The following ANKRD9 variants were observed in gnomAD, a reference collection of about 807,000 sequenced individuals.
ANKRD9 encodes the protein ankyrin repeat domain-containing protein 9.
In ANKRD9, 13 loss-of-function variants were observed where a neutral mutation model predicts 19.2. The ratio of observed to expected loss-of-function variants is 0.68; its 90% CI spans 0.44 to 1.08. The LOEUF (loss-of-function observed/expected upper bound fraction) is 1.08, where lower values mean the gene tolerates loss of function less well. Ranked by LOEUF, ANKRD9 falls within the 50% of genes least tolerant of loss-of-function variation. The probability of loss-of-function intolerance (pLI) is 0.00; values close to 1 mark genes in which losing one functional copy is unlikely to be tolerated. For synonymous variants in ANKRD9, 278 were observed against 256.8 expected (o/e 1.08, Z -0.79); for missense variants, 518 against 499.9 (o/e 1.04, Z -0.34).
rs1297163852 is a variant in ANKRD9 at position 102,507,170 on chromosome 14, G to A, written c.720C>T (p.Pro240=). 4.3e-6 allele frequency: 6 copies of A among 1,400,320 alleles called. No homozygotes were observed. The highest frequency in any genetic ancestry group is 4.6e-6 in the Non-Finnish European group (5 of 1,084,782). The allele number at this position is 1,400,320 out of a possible 1,614,324, so 86.7% of individuals were successfully genotyped here. A position where few individuals can be genotyped will look rare whatever the true frequency, so the allele number is the denominator to read the frequency against. The change falls in exon 4 of 4, where the codon CCC becomes CCT. Residue 240 remains proline, a synonymous_variant. Coordinates refer to ENST00000286918, the MANE Select transcript of ANKRD9 (RefSeq NM_152326.4). This position sits in a 1 kb window ranked among gnomAD's most constrained non-coding sequence, Gnocchi z 9.2. ...GGCGGGCCGAGCCGGCGGCACCCACGGGGGTGTACAGCGCCAGGAGGTCCA... is the reference window on the plus strand; with the variant it reads ...GGCGGGCCGAGCCGGCGGCACCCACAGGGGTGTACAGCGCCAGGAGGTCCA... ...LLLDLLALYT[P]VGAAGSARQE...
chr14:102,504,482 A>C lies in ANKRD9; in HGVS notation c.*2454T>G, dbSNP rs898660742. The C allele has an allele frequency of 6.5e-6, 1 of 153,522 alleles. No homozygotes were observed. The highest frequency in any genetic ancestry group is 2.4e-5 in the African/African-American group (1 of 41,428). 9.5% of individuals were successfully genotyped at this position (153,522 alleles called of 1,614,324 possible). ...GGACGATAACGATGACAGGGGCAAC[A>C]CCATGGTCCTCGCTGCCCTTCCTGG... is the stretch of plus-strand genomic sequence containing the variant. On this transcript the variant is annotated 3_prime_UTR_variant, in exon 4 of 4. Coordinates refer to ENST00000286918, the MANE Select transcript of ANKRD9 (RefSeq NM_152326.4).
Position 102,502,897 on chromosome 14 carries a change from C to G in ANKRD9, c.*4039G>C, listed in dbSNP as rs1595155691. On this transcript the variant is annotated 3_prime_UTR_variant, in exon 4 of 4. Transcript: ENST00000286918. ...TCAATCCCCAGTGTTCTACAGTGAA[C>G]ATGAATTTTATAAGCAGAAAGAAAT... The G allele has an allele frequency of 6.6e-6, 1 of 152,248 alleles. No individual in the cohort carries two copies. Among genetic ancestry groups the G allele is most frequent in the Non-Finnish European group, 1.5e-5 (1 of 68,030 alleles). The allele number at this position is 152,248 out of a possible 1,614,324, so 9.4% of individuals were successfully genotyped here.
chr14:102,506,849 G>A lies in ANKRD9; in HGVS notation c.*87C>T, dbSNP rs1351588898. ...CGACAGATGAGGCAGAGATTGTGCCGTACAGAGATCAATATATATAAAGTG... is the reference window on the plus strand; with the variant it reads ...CGACAGATGAGGCAGAGATTGTGCCATACAGAGATCAATATATATAAAGTG... On this transcript the variant is annotated 3_prime_UTR_variant, in exon 4 of 4. Coordinates refer to ENST00000286918, the MANE Select transcript of ANKRD9 (RefSeq NM_152326.4). 5.3e-6 allele frequency: 7 copies of A among 1,331,480 alleles called. No individual in the cohort carries two copies. Among genetic ancestry groups the A allele is most frequent in the African/African-American group, 1.5e-5 (1 of 65,272 alleles). The allele number at this position is 1,331,480 out of a possible 1,614,324, so 82.5% of individuals were successfully genotyped here.
chr14:102,507,476 G>C lies in ANKRD9; in HGVS notation c.414C>G (p.Asp138Glu), dbSNP rs1313055584. ...ILRRILRTLRDFPAEERARVL... is the reference protein window; with the variant it reads ...ILRRILRTLREFPAEERARVL... ...CGCGCGCCCGCTCCTCGGCCGGGAA[G>C]TCGCGCAAGGTGCGCAGGATGCGGC... is the stretch of plus-strand genomic sequence containing the variant. The change falls in exon 4 of 4, where the codon GAC becomes GAG. Residue 138 changes from aspartate (D) to glutamate (E), a missense_variant. Coordinates refer to ENST00000286918, the MANE Select transcript of ANKRD9 (RefSeq NM_152326.4). The surrounding 1 kb of genome is among the most constrained non-coding windows in gnomAD (Gnocchi z 9.2). The C allele has an allele frequency of 1.4e-6, 2 of 1,399,558 alleles. No homozygotes were observed. Among genetic ancestry groups the C allele is most frequent in the Middle Eastern group, 2.6e-4 (1 of 3,898 alleles). 86.7% of individuals were successfully genotyped at this position (1,399,558 alleles called of 1,614,324 possible).
chr14:102,509,456 G>T (rs1427678991), intron 1 of ANKRD9, 73 bp downstream of exon 1: 1 of 122,678 alleles, frequency 8.2e-6, no homozygotes, highest in Non-Finnish European at 1.7e-5. Flanking sequence ...AGCGAGGGCT[G>T]CACCTGCGTG....
In ANKRD9 at chr14:102,504,189, G is replaced by A. The variant is rs2139810814; in HGVS notation, c.*2747C>T. Reference sequence around the variant, plus strand: ...GATGCTGACGCCTGAATAAGGTTGGGATTCGGGGCCCTTGGGAACACTGGG... The same window carrying A: ...GATGCTGACGCCTGAATAAGGTTGGAATTCGGGGCCCTTGGGAACACTGGG... On this transcript the variant is annotated 3_prime_UTR_variant, in exon 4 of 4. Coordinates refer to ENST00000286918, the MANE Select transcript of ANKRD9 (RefSeq NM_152326.4). 1 of 152,420 alleles carries A rather than the reference G, an allele frequency of 6.6e-6. No homozygotes were observed. Among genetic ancestry groups the A allele is most frequent in the Non-Finnish European group, 1.5e-5 (1 of 68,056 alleles). 9.4% of individuals were successfully genotyped at this position (152,420 alleles called of 1,614,324 possible). A position where few individuals can be genotyped will look rare whatever the true frequency, so the allele number is the denominator to read the frequency against.
Position 102,506,747 on chromosome 14 carries a change from G to A in ANKRD9, c.*189C>T. The A allele has an allele frequency of 1.3e-6, 1 of 764,902 alleles. No homozygotes were observed. The highest frequency in any genetic ancestry group is 3.4e-5 in the East Asian group (1 of 29,416). 47.4% of individuals were successfully genotyped at this position (764,902 alleles called of 1,614,324 possible). On this transcript the variant is annotated 3_prime_UTR_variant, in exon 4 of 4. Transcript: ENST00000286918. The stretch of plus-strand genomic sequence containing the variant: ...TTCAGGGGCTGGACAGCGAGCTGAA[G>A]GCCCGAGCCCAGCTGCACCCAGAAA...
rs1192023204 is a variant in ANKRD9 at position 102,507,776 on chromosome 14, G to A, written c.114C>T (p.Tyr38=). The A allele has an allele frequency of 7.0e-7, 1 of 1,431,338 alleles. No individual in the cohort carries two copies. Among genetic ancestry groups the A allele is most frequent in the Admixed American group, 2.2e-5 (1 of 45,936 alleles). The allele number at this position is 1,431,338 out of a possible 1,614,324, so 88.7% of individuals were successfully genotyped here. The change falls in exon 4 of 4, where the codon TAC becomes TAT. Residue 38 remains tyrosine (Y), a synonymous_variant. Coordinates refer to ENST00000286918, the MANE Select transcript of ANKRD9 (RefSeq NM_152326.4). This position sits in a 1 kb window ranked among gnomAD's most constrained non-coding sequence, Gnocchi z 9.2. ...CGGGTAGCAGGTCGCGCACCGCCTGGTAGAAGGCGAACGACGACTTGCGGC... is the reference window on the plus strand; with the variant it reads ...CGGGTAGCAGGTCGCGCACCGCCTGATAGAAGGCGAACGACGACTTGCGGC... ...KQCRKSSFAF[Y]QAVRDLLPVW...
At position 102,507,418 on chromosome 14, in the gene ANKRD9, C is replaced by T. The variant is rs562624517; in HGVS notation, c.472G>A (p.Gly158Ser). The T allele has an allele frequency of 1.8e-5, 24 of 1,370,374 alleles. No homozygotes were observed. The African/African-American group carries it at 3.4e-4, about 20-fold the overall frequency. The allele number at this position is 1,370,374 out of a possible 1,614,324, so 84.9% of individuals were successfully genotyped here. ...GCCACGTGCAGCGACGTGCCACCGCCCTCCACGCGGCTGCAGCCACGCCGG... is the reference window on the plus strand; with the variant it reads ...GCCACGTGCAGCGACGTGCCACCGCTCTCCACGCGGCTGCAGCCACGCCGG... ...LDRRGCSRVE[G>S]GGTSLHVACE... Residue 158 changes from glycine (G) to serine (S), a missense_variant, in exon 4 of 4, where the codon GGC (glycine) becomes AGC (serine). Physicochemically the swap from Gly to Ser is moderately conservative, Grantham distance 56. Coordinates refer to ENST00000286918, the MANE Select transcript of ANKRD9 (RefSeq NM_152326.4). This position sits in a 1 kb window ranked among gnomAD's most constrained non-coding sequence, Gnocchi z 9.2.
At position 102,507,531 on chromosome 14, in the gene ANKRD9, G is replaced by A. The variant is rs1292669647; in HGVS notation, c.359C>T (p.Ala120Val). Residue 120 changes from alanine to valine, a missense_variant, in exon 4 of 4, where the codon GCA becomes GTA. Ala to Val is a moderately conservative substitution (Grantham distance 64). Transcript: ENST00000286918. This position sits in a 1 kb window ranked among gnomAD's most constrained non-coding sequence, Gnocchi z 9.2. ...CAAPGPHVAL[A>V]VRYNRVGILR... is the part of the protein sequence containing the mutation. ...AATGCCCACGCGGTTGTAGCGCACT[G>A]CCAGCGCCACGTGCGGCCCGGGAGC... 2 of 1,343,782 alleles carry A rather than the reference G, an allele frequency of 1.5e-6. No individual in the cohort carries two copies. Among genetic ancestry groups the A allele is most frequent in the South Asian group, 3.2e-5 (2 of 62,110 alleles). The allele number at this position is 1,343,782 out of a possible 1,614,324, so 83.2% of individuals were successfully genotyped here.
Position 102,507,260 on chromosome 14 carries a change from A to G in ANKRD9, c.630T>C (p.Thr210=). 1 of 1,222,604 alleles carries G rather than the reference A, an allele frequency of 8.2e-7. No homozygotes were observed. The allele number at this position is 1,222,604 out of a possible 1,614,324, so 75.7% of individuals were successfully genotyped here. ...AGGCGGGGGCTCCGGCGGCGGAGGG[A>G]GTGGCCCCGGCGTCGCGGCCCAGCT... The part of the protein sequence containing the change: ...LRQLGRDAGA[T]PSAAGAPASA... The change falls in exon 4 of 4, where the codon ACT becomes ACC. Residue 210 remains threonine, a synonymous_variant. Transcript: ENST00000286918. The surrounding 1 kb of genome is among the most constrained non-coding windows in gnomAD (Gnocchi z 9.2).
chr14:102,506,294 G>C lies in ANKRD9; in HGVS notation c.*642C>G, dbSNP rs1420008263. 6.6e-6 allele frequency: 1 copy of C among 152,280 alleles called. No individual in the cohort carries two copies. The highest frequency in any genetic ancestry group is 6.5e-5 in the Admixed American group (1 of 15,296). The allele number at this position is 152,280 out of a possible 1,614,324, so 9.4% of individuals were successfully genotyped here. Reference sequence around the variant, plus strand: ...GTGAGAAGCAGGAGCAGCAAGACCTGGTGCCCATTAGTCATGGGGGAAAAG... The same window carrying C: ...GTGAGAAGCAGGAGCAGCAAGACCTCGTGCCCATTAGTCATGGGGGAAAAG... On this transcript the variant is annotated 3_prime_UTR_variant, in exon 4 of 4. Transcript: ENST00000286918.
Position 102,506,604 on chromosome 14 carries a change from G to C in ANKRD9, c.*332C>G, listed in dbSNP as rs1405150491. ...TTTTTATACGCTGTCCTGCTGCTTG[G>C]ACATGCCAGTCCCCACCCCTGCACC... is the stretch of plus-strand genomic sequence containing the variant. On this transcript the variant is annotated 3_prime_UTR_variant, in exon 4 of 4. Transcript: ENST00000286918. The C allele has an allele frequency of 1.1e-5, 3 of 266,518 alleles. No homozygotes were observed. The highest frequency in any genetic ancestry group is 6.6e-5 in the African/African-American group (3 of 45,420). The allele number at this position is 266,518 out of a possible 1,614,324, so 16.5% of individuals were successfully genotyped here. A position where few individuals can be genotyped will look rare whatever the true frequency, so the allele number is the denominator to read the frequency against.
In ANKRD9 at chr14:102,507,440, C is replaced by G; in HGVS notation, c.450G>C (p.Arg150=). 1 of 1,391,626 alleles carries G rather than the reference C, an allele frequency of 7.2e-7. No homozygotes were observed. The highest frequency in any genetic ancestry group is 2.8e-5 in the Admixed American group (1 of 35,708). The allele number at this position is 1,391,626 out of a possible 1,614,324, so 86.2% of individuals were successfully genotyped here. ...PAEERARVLD[R]RGCSRVEGGG... is the part of the protein sequence containing the mutation. Reference sequence around the variant, plus strand: ...CGCCCTCCACGCGGCTGCAGCCACGCCGGTCCAGCACGCGCGCCCGCTCCT... The same window carrying G: ...CGCCCTCCACGCGGCTGCAGCCACGGCGGTCCAGCACGCGCGCCCGCTCCT... Residue 150 remains arginine, a synonymous_variant, in exon 4 of 4, where the codon CGG becomes CGC. Coordinates refer to ENST00000286918, the MANE Select transcript of ANKRD9 (RefSeq NM_152326.4). The surrounding 1 kb of genome is among the most constrained non-coding windows in gnomAD (Gnocchi z 9.2).
In ANKRD9 at chr14:102,507,131, G is replaced by T; in HGVS notation, c.759C>A (p.Gly253=). ...AAGSARQELL[G]DRPRWQRLLG... ...GCAGCCGCTGCCAGCGCGGCCGGTC[G>T]CCCAGCAGCTCCTGGCGGGCCGAGC... Residue 253 remains glycine (G), a synonymous_variant, in exon 4 of 4, where the codon GGC becomes GGA. Coordinates refer to ENST00000286918, the MANE Select transcript of ANKRD9 (RefSeq NM_152326.4). This position sits in a 1 kb window ranked among gnomAD's most constrained non-coding sequence, Gnocchi z 9.2. 6.8e-7 allele frequency: 1 copy of T among 1,479,718 alleles called. No individual in the cohort carries two copies. The highest frequency in any genetic ancestry group is 8.9e-7 in the Non-Finnish European group (1 of 1,122,170). 91.7% of individuals were successfully genotyped at this position (1,479,718 alleles called of 1,614,324 possible). A position where few individuals can be genotyped will look rare whatever the true frequency, so the allele number is the denominator to read the frequency against.
rs2139816265 is a variant in ANKRD9 at position 102,508,719 on chromosome 14, C to G, written c.-207G>C. The G allele has an allele frequency of 6.6e-6, 1 of 152,286 alleles. No individual in the cohort carries two copies. Among genetic ancestry groups the G allele is most frequent in the East Asian group, 1.9e-4 (1 of 5,184 alleles). 9.4% of individuals were successfully genotyped at this position (152,286 alleles called of 1,614,324 possible). On this transcript the variant is annotated 5_prime_UTR_variant, in exon 2 of 4. Transcript: ENST00000286918. This position sits in a 1 kb window ranked among gnomAD's most constrained non-coding sequence, Gnocchi z 6.2. ...GCACCGCACTGCACAGTCTGCCATC[C>G]TCTTCAGGTCCCATACCTCTCTTGA... is the stretch of plus-strand genomic sequence containing the variant.
In ANKRD9 at chr14:102,507,402, A is replaced by G. The variant is rs1891638362; in HGVS notation, c.488T>C (p.Leu163Pro). Residue 163 changes from leucine (L) to proline (P), a missense_variant, in exon 4 of 4, where the codon CTG becomes CCG. Transcript: ENST00000286918. This position sits in a 1 kb window ranked among gnomAD's most constrained non-coding sequence, Gnocchi z 9.2. ...CSRVEGGGTS[L>P]HVACELARPE... Reference sequence around the variant, plus strand: ...GCGCGCCAGCTCACAGGCCACGTGCAGCGACGTGCCACCGCCCTCCACGCG... The same window carrying G: ...GCGCGCCAGCTCACAGGCCACGTGCGGCGACGTGCCACCGCCCTCCACGCG... The G allele has an allele frequency of 3.0e-6, 4 of 1,353,174 alleles. No homozygotes were observed. The highest frequency in any genetic ancestry group is 3.8e-6 in the Non-Finnish European group (4 of 1,050,364). The allele number at this position is 1,353,174 out of a possible 1,614,324, so 83.8% of individuals were successfully genotyped here.
chr14:102,502,474 A>G lies in ANKRD9; in HGVS notation c.*4462T>C, dbSNP rs1043157187. On this transcript the variant is annotated 3_prime_UTR_variant, in exon 4 of 4. Transcript: ENST00000286918. The stretch of plus-strand genomic sequence containing the variant: ...AAAAATAAAGCAGATTTACATTTTA[A>G]AAATTCAGTTGTCTCTAACTACTCT... 2 of 152,644 alleles carry G rather than the reference A, an allele frequency of 1.3e-5. No homozygotes were observed. The highest frequency in any genetic ancestry group is 2.9e-5 in the Non-Finnish European group (2 of 68,036). The allele number at this position is 152,644 out of a possible 1,614,324, so 9.5% of individuals were successfully genotyped here. A position where few individuals can be genotyped will look rare whatever the true frequency, so the allele number is the denominator to read the frequency against.
rs1891602725 is a variant in ANKRD9 at position 102,506,885 on chromosome 14, G to A, written c.*51C>T. On this transcript the variant is annotated 3_prime_UTR_variant, in exon 4 of 4. Transcript: ENST00000286918. ...AATATATATAAAGTGCCGGTACAAC[G>A]CTCTGAAAAATAGTTTTGTCCCAAA... is the stretch of plus-strand genomic sequence containing the variant. 3 of 1,412,846 alleles carry A rather than the reference G, an allele frequency of 2.1e-6. No homozygotes were observed. The highest frequency in any genetic ancestry group is 1.5e-5 in the African/African-American group (1 of 67,092). 87.5% of individuals were successfully genotyped at this position (1,412,846 alleles called of 1,614,324 possible).
Sources: gnomAD v4.1 joint callset for allele counts on GRCh38, gnomAD v4.1.1 for gene constraint, Gnocchi (gnomAD v3.1) non-coding constraint, MANE v1.5 for transcripts, NCBI Gene and HGNC (gene_info 2026-07-23, HGNC 2026-07-21) for gene names.